The following ASPSCR1 variants were observed in gnomAD, a reference collection of about 807,000 sequenced individuals.
ASPSCR1 encodes the protein tether containing UBX domain for GLUT4.
A neutral mutation model predicts 68.9 loss-of-function variants in ASPSCR1; 55 were observed. The ratio of observed to expected loss-of-function variants is 0.80; its 90% CI spans 0.64 to 1.00. ASPSCR1 has a LOEUF of 1.00. ASPSCR1 is among the 50% of genes least tolerant of loss of function. The pLI is 0.00. For synonymous variants in ASPSCR1, 352 were observed against 332.6 expected (o/e 1.06, Z -0.63); for missense variants, 765 against 762.2 (o/e 1.00, Z -0.04).
At chr17:81,993,552 C>T (rs905112565) in intron 4 of ASPSCR1, among the ~76,000 whole-genome samples, 25 of 152,206 alleles carry the variant, frequency 1.6e-4, no homozygotes, top group South Asian at 8.3e-4. Context: ...ATCCCAGGGT[C>T]GGGGCACGGT....
chr17:82,010,477 C>T lies in ASPSCR1; in HGVS notation c.1171-325C>T, dbSNP rs1339888722. Among the ~76,000 whole-genome samples, 9 of 146,270 alleles carry T rather than the reference C, an allele frequency of 6.2e-5. No individual in the cohort carries two copies. The South Asian group carries it at 1.1e-3, about 18-fold the overall frequency. On this transcript the variant is annotated intron_variant, in intron 9 of 15. Transcript: ENST00000306739. ...CCGGGAGGTGGAGCTTACAGTGAGC[C>T]GAGATCATGCCACTGCACTCCAGCC...
chr17:81,980,361 CT>C (rs1208055667), intron 2 of ASPSCR1, among the ~76,000 whole-genome samples: 5 of 152,244 alleles, frequency 3.3e-5, no homozygotes, highest in African/African-American at 1.2e-4. Context: ...ATTGCCCACC[CT>C]GCCTTACGAG....
At position 81,986,249 on chromosome 17, in the gene ASPSCR1, C is replaced by T. The variant is rs1395213031; in HGVS notation, c.374+642C>T. Among the ~76,000 whole-genome samples, 4 of 152,040 alleles carry T rather than the reference C, an allele frequency of 2.6e-5. No individual in the cohort carries two copies. The highest frequency in any genetic ancestry group is 9.7e-5 in the African/African-American group (4 of 41,398). On this transcript the variant is annotated intron_variant, in intron 4 of 15. Transcript: ENST00000306739. The surrounding 1 kb of genome is among the most constrained non-coding windows in gnomAD (Gnocchi z 5.2). Reference sequence around the variant, plus strand: ...GACTAGCCTCGGCAACATAGTGAAACCCCTTCTCTACAAAAAATAGAAATG... The same window carrying T: ...GACTAGCCTCGGCAACATAGTGAAATCCCTTCTCTACAAAAAATAGAAATG...
At position 82,016,546 on chromosome 17, in the gene ASPSCR1, G is replaced by A. The variant is rs2043134077; in HGVS notation, c.1405+19G>A. The A allele has an allele frequency of 6.5e-7, 1 of 1,549,272 alleles. No homozygotes were observed. The highest frequency in any genetic ancestry group is 8.7e-7 in the Non-Finnish European group (1 of 1,146,890). On this transcript the variant is annotated intron_variant, in intron 13 of 15. Transcript: ENST00000306739. ...CCGGCAGGTGAGTGTCAGTGGTTGGGGCCAGTGTCGGAGTCCAGCCAGCCT... is the reference window on the plus strand; with the variant it reads ...CCGGCAGGTGAGTGTCAGTGGTTGGAGCCAGTGTCGGAGTCCAGCCAGCCT...
rs1241339576 is a variant in ASPSCR1, at chr17:81,990,891, G to T, written c.375-3930G>T. Among the ~76,000 whole-genome samples, 2 of 152,190 alleles carry T rather than the reference G, an allele frequency of 1.3e-5. No individual in the cohort carries two copies. The highest frequency in any genetic ancestry group is 4.8e-5 in the African/African-American group (2 of 41,440). On this transcript the variant is annotated intron_variant, in intron 4 of 15. Transcript: ENST00000306739. This position sits in a 1 kb window ranked among gnomAD's most constrained non-coding sequence, Gnocchi z 4.1. ...GTCATACTGTGACTCGGGGGATACT[G>T]TAGCACGTCTGGGCAGTCCACGAGG...
intron 3 of ASPSCR1, among the ~76,000 whole-genome samples, chr17:81,984,947 C>A (rs1230106284): frequency 4.8e-5 from 6 of 124,614 alleles, no homozygotes; most frequent in Admixed American, 4.0e-4. Flanking sequence ...CCGCACACAC[C>A]CGCACACACC....
At chr17:81,979,159 C>T (rs1322351519) in intron 1 of ASPSCR1, 25 bp from the exon 2 acceptor site, 2 of 1,613,554 alleles carry the variant, frequency 1.2e-6, no homozygotes, top group East Asian at 2.2e-5. Context: ...CTCAGCAGTT[C>T]ACCATCCTTT....
chr17:81,995,844 C>T (rs563772688), intron 5 of ASPSCR1, 148 bp from the exon 6 acceptor site: 3 of 759,790 alleles, frequency 3.9e-6, no homozygotes, highest in South Asian at 3.1e-5. Context: ...GGGTGTGGAC[C>T]GGCAGGGGCC....
intron 5 of ASPSCR1, chr17:81,995,271 T>G: frequency 4.3e-4 from 122 of 282,170 alleles, no homozygotes; most frequent in Non-Finnish European, 5.5e-4. Flanking sequence ...GCTGGCTGAG[T>G]GCCCTTTGCT....
chr17:81,996,206 C>T, intron 6 of ASPSCR1, 141 bp downstream of exon 6: 5 of 1,334,072 alleles, frequency 3.7e-6, no homozygotes, highest in Non-Finnish European at 5.0e-6. Flanking sequence ...GTGGCCTCTG[C>T]CTGCCTGTGG....
intron 11 of ASPSCR1, chr17:82,012,005 G>A (rs970976633): frequency 7.5e-5 from 49 of 656,364 alleles, no homozygotes; most frequent in East Asian, 1.4e-4. Context: ...AAGGGGAGCC[G>A]GGCTGCACGG....
At chr17:81,991,915 G>T (rs184940676) in intron 4 of ASPSCR1, among the ~76,000 whole-genome samples, 3 of 152,374 alleles carry the variant, frequency 2.0e-5, no homozygotes, top group Admixed American at 2.0e-4. Context: ...GCACACAGCC[G>T]CGCCTTGCCG....
intron 12 of ASPSCR1, 45 bp downstream of exon 12, chr17:82,012,328 G>C: frequency 1.3e-6 from 2 of 1,584,460 alleles, no homozygotes; most frequent in Non-Finnish European, 1.7e-6. Flanking sequence ...GGGCCCTCCA[G>C]GGAGGGCAGG....
intron 9 of ASPSCR1, among the ~76,000 whole-genome samples, 198 bp from the exon 10 acceptor site, chr17:82,010,604 C>T (rs2042903802): frequency 6.6e-6 from 1 of 151,882 alleles, no homozygotes; most frequent in South Asian, 2.1e-4. Context: ...GGCCGCTGTG[C>T]ACACACACGG....
At chr17:82,016,321 TCAGA>T in intron 12 of ASPSCR1, 151 bp from the exon 13 acceptor site, 1 of 675,242 alleles carries the variant, frequency 1.5e-6, no homozygotes, top group Non-Finnish European at 2.5e-6. Context: ...AGGGCTGGTG[TCAGA>T]CAGGAAGCTG....
chr17:81,980,479 AG>A (rs1316487595), intron 2 of ASPSCR1, among the ~76,000 whole-genome samples: 1 of 152,246 alleles, frequency 6.6e-6, no homozygotes, highest in African/African-American at 2.4e-5. Context: ...TCTGAATGCC[AG>A]GTGGTCTTGG....
At chr17:81,984,305 C>T (rs1331048715) in intron 3 of ASPSCR1, among the ~76,000 whole-genome samples, 3 of 152,130 alleles carry the variant, frequency 2.0e-5, no homozygotes, top group African/African-American at 7.2e-5. Flanking sequence ...TGCATGGATG[C>T]CGCAAGGGCA....
intron 2 of ASPSCR1, among the ~76,000 whole-genome samples, chr17:81,979,859 T>A (rs930067076): frequency 6.6e-6 from 1 of 152,192 alleles, no homozygotes; most frequent in African/African-American, 2.4e-5. Flanking sequence ...AGAGAGGGCT[T>A]CTGCCAGACT....
chr17:81,984,494 G>A (rs541985330), intron 3 of ASPSCR1, among the ~76,000 whole-genome samples: 1 of 151,992 alleles, frequency 6.6e-6, no homozygotes, highest in Admixed American at 6.6e-5. Context: ...GGAGAATGGC[G>A]TGAACCCGGG....
Sources: gnomAD v4.1 joint callset for allele counts (sites outside exome capture counted in the v4.1 genomes callset) on GRCh38, gnomAD v4.1.1 for gene constraint, Gnocchi (gnomAD v3.1) non-coding constraint, MANE v1.5 for transcripts, NCBI Gene and HGNC (gene_info 2026-07-23, HGNC 2026-07-21) for gene names.